The following CSMD1 variants were observed in gnomAD, a reference collection of about 807,000 sequenced individuals.
CSMD1 encodes CUB and sushi domain-containing protein 1.
A neutral mutation model predicts 417.5 loss-of-function variants in CSMD1; 213 were observed. The ratio of observed to expected loss-of-function variants is 0.51; its 90% confidence interval spans 0.46 to 0.57. The LOEUF is 0.57. Ranked by LOEUF, CSMD1 falls within the 20% of genes least tolerant of loss-of-function variation. The pLI is 0.00. For synonymous variants in CSMD1, 2,862 were observed against 1,736.8 expected (o/e 1.65, Z -16.11); for missense variants, 6,923 against 4,529.7 (o/e 1.53, Z -15.17).
At chr8:3,936,673 T>C (rs1388914568) in intron 5 of CSMD1, among the ~76,000 whole-genome samples, 1 of 152,210 alleles carries the variant, frequency 6.6e-6, no homozygotes, top group Non-Finnish European at 1.5e-5. Flanking sequence ...TTTAACAATG[T>C]ACCTGGTCAC....
At chr8:3,068,673 C>G (rs1813115808) in intron 49 of CSMD1, among the ~76,000 whole-genome samples, 1 of 152,108 alleles carries the variant, frequency 6.6e-6, no homozygotes, top group South Asian at 2.1e-4. Context: ...GAGCAGGCTT[C>G]TCACACGGCC....
chr8:4,912,462 G>A (rs182356790), intron 1 of CSMD1, among the ~76,000 whole-genome samples: 95 of 152,152 alleles, frequency 6.2e-4, no homozygotes, highest in African/African-American at 2.3e-3. Flanking sequence ...AAAACGGGAG[G>A]AGAGCATTTC....
intron 30 of CSMD1, among the ~76,000 whole-genome samples, chr8:3,214,176 G>C (rs1030365672): frequency 6.6e-6 from 1 of 152,088 alleles, no homozygotes; most frequent in Non-Finnish European, 1.5e-5. Flanking sequence ...GAGAGAGAGA[G>C]AGAGAGAAGT....
intron 27 of CSMD1, among the ~76,000 whole-genome samples, chr8:3,227,527 G>A (rs1163469829): frequency 6.6e-6 from 1 of 152,114 alleles, no homozygotes; most frequent in Non-Finnish European, 1.5e-5. Context: ...TCAGAATAGG[G>A]AAAAGGTTAA....
intron 8 of CSMD1, among the ~76,000 whole-genome samples, chr8:3,591,061 C>T (rs771024494): frequency 2.0e-4 from 31 of 152,170 alleles, no homozygotes; most frequent in Non-Finnish European, 3.5e-4. Context: ...TTTCTATTGG[C>T]AAGTTACTTT....
intron 10 of CSMD1, among the ~76,000 whole-genome samples, chr8:3,565,219 T>TAGATAGATAGAC (rs1225194732): frequency 2.2e-5 from 3 of 138,828 alleles, no homozygotes; most frequent in Non-Finnish European, 4.6e-5. Context: ...GATAGAGAGA[T>TAGATAGATAGAC]AGACAGATAG....
chr8:3,338,195 T>C (rs1807400560), intron 23 of CSMD1, among the ~76,000 whole-genome samples: 1 of 152,146 alleles, frequency 6.6e-6, no homozygotes, highest in African/African-American at 2.4e-5. Context: ...AATCCAGTTG[T>C]TGAACCACAC....
At chr8:3,497,188 A>T (rs1796401772) in intron 10 of CSMD1, among the ~76,000 whole-genome samples, 1 of 152,112 alleles carries the variant, frequency 6.6e-6, no homozygotes, top group Admixed American at 6.6e-5. Flanking sequence ...TTTAAGTTTA[A>T]CACTTCTTTA....
chr8:4,098,503 C>G (rs749965622), intron 3 of CSMD1, among the ~76,000 whole-genome samples: 1 of 151,970 alleles, frequency 6.6e-6, no homozygotes, highest in African/African-American at 2.4e-5. Context: ...TAGTTTTAGG[C>G]CAGTTACCCA....
intron 3 of CSMD1, among the ~76,000 whole-genome samples, chr8:4,271,007 G>A (rs1466389236): frequency 1.3e-5 from 2 of 152,190 alleles, no homozygotes; most frequent in African/African-American, 2.4e-5. Context: ...AAATTGTTAT[G>A]AGAGCAGGTC....
chr8:3,416,302 C>CAAAAAAAA (rs11358404), intron 12 of CSMD1, among the ~76,000 whole-genome samples: 3 of 58,898 alleles, frequency 5.1e-5, no homozygotes, highest in African/African-American at 2.0e-4. Context: ...GACTCCGTCT[C>CAAAAAAAA]AAAAAAAAAA....
At chr8:3,279,265 A>G (rs1005094756) in intron 26 of CSMD1, 1 of 152,230 alleles carries the variant, frequency 6.6e-6, no homozygotes, top group African/African-American at 2.4e-5. Flanking sequence ...AGGCAGGACC[A>G]TGTCCCTCTC....
At chr8:4,299,136 C>G (rs557114168) in intron 3 of CSMD1, among the ~76,000 whole-genome samples, 36 of 151,970 alleles carry the variant, frequency 2.4e-4, no homozygotes, top group Non-Finnish European at 4.6e-4. Flanking sequence ...AAAGATCTTG[C>G]CAAAACAGAT....
chr8:3,113,935 A>G (rs1285618740), intron 42 of CSMD1, among the ~76,000 whole-genome samples: 2 of 152,148 alleles, frequency 1.3e-5, no homozygotes, highest in East Asian at 3.8e-4. Flanking sequence ...AAATTAAAAC[A>G]GGCTGGCTGT....
chr8:4,698,598 A>ATTTTT (rs3990377), intron 1 of CSMD1, among the ~76,000 whole-genome samples: 3,908 of 145,902 alleles, frequency 0.027, 155 homozygotes, highest in African/African-American at 0.085. Flanking sequence ...AATGATAGAA[A>ATTTTT]TTTTTTTTTT....
intron 9 of CSMD1, among the ~76,000 whole-genome samples, chr8:3,577,899 G>C (rs1324297106): frequency 6.6e-6 from 1 of 152,128 alleles, no homozygotes; most frequent in Non-Finnish European, 1.5e-5. Context: ...ACTACCGTAA[G>C]TTCAGCCGTG....
At chr8:4,457,209 G>A (rs749103516) in intron 2 of CSMD1, among the ~76,000 whole-genome samples, 3 of 152,132 alleles carry the variant, frequency 2.0e-5, no homozygotes, top group African/African-American at 4.8e-5. Flanking sequence ...ACATGTGGAG[G>A]GAAGGGGGGA....
At chr8:4,410,983 C>T (rs1408856361) in intron 3 of CSMD1, among the ~76,000 whole-genome samples, 3 of 152,124 alleles carry the variant, frequency 2.0e-5, no homozygotes, top group Non-Finnish European at 4.4e-5. Flanking sequence ...GATTGTTATA[C>T]AGTGAGGTTG....
chr8:3,514,924 C>T (rs780099990), intron 10 of CSMD1, among the ~76,000 whole-genome samples: 1 of 151,942 alleles, frequency 6.6e-6, no homozygotes, highest in African/African-American at 2.4e-5. Flanking sequence ...TAAAGGCTGC[C>T]CAAGCAAATG....
Sources: allele counts gnomAD v4.1 joint callset (sites outside exome capture counted in the v4.1 genomes callset), GRCh38; gene constraint gnomAD v4.1.1; transcripts MANE v1.5; gene names NCBI Gene and HGNC (gene_info 2026-07-23, HGNC 2026-07-21).